Variants in ST8SIA1 observed in about 807,000 individuals in gnomAD.
The protein encoded by ST8SIA1 is ST8 alpha-N-acetyl-neuraminide alpha-2,8-sialyltransferase 1, also known as alpha-N-acetylneuraminide alpha-2,8-sialyltransferase.
In ST8SIA1, 16 loss-of-function variants were observed where a neutral mutation model predicts 35.9. The ratio of observed to expected loss-of-function variants is 0.45; its 90% CI spans 0.30 to 0.68. ST8SIA1 has a LOEUF of 0.68. ST8SIA1 is among the 30% of genes least tolerant of loss of function. The probability of loss-of-function intolerance (pLI) is 0.09; values close to 1 mark genes in which losing one functional copy is unlikely to be tolerated. For synonymous variants in ST8SIA1, 170 were observed against 169.6 expected (o/e 1.00, Z -0.02); for missense variants, 383 against 453.6 (o/e 0.84, Z 1.41).
At chr12:22,325,865 C>T (rs1376305133) in intron 1 of ST8SIA1, 29 of 701,728 alleles carry the variant, frequency 4.1e-5, no homozygotes, top group Middle Eastern at 2.3e-4. Flanking sequence ...AACACAAGCA[C>T]GGTGATCCCA....
At chr12:22,293,462 A>G (rs1056884356) in intron 1 of ST8SIA1, among the ~76,000 whole-genome samples, 2 of 152,258 alleles carry the variant, frequency 1.3e-5, no homozygotes, top group Non-Finnish European at 2.9e-5. Context: ...CATTTCCTGC[A>G]GACAGCTAAA....
Position 22,201,208 on chromosome 12 carries a change from TG to T in ST8SIA1, c.*343del, listed in dbSNP as rs1865045180. The T allele has an allele frequency of 5.5e-6, 1 of 181,468 alleles. No homozygotes were observed. Among genetic ancestry groups the T allele is most frequent in the Non-Finnish European group, 1.1e-5 (1 of 88,220 alleles). The allele number at this position is 181,468 out of a possible 1,614,324, so 11.2% of individuals were successfully genotyped here. A position where few individuals can be genotyped will look rare whatever the true frequency, so the allele number is the denominator to read the frequency against. Reference sequence around the variant, plus strand: ...AACACTTTTACCCCAACATTTTCTTTGTTCTACCTTGATTGGTTCCTCAGCC... The same window carrying T: ...AACACTTTTACCCCAACATTTTCTTTTTCTACCTTGATTGGTTCCTCAGCC... On this transcript the variant is annotated 3_prime_UTR_variant, in exon 5 of 5. Coordinates refer to ENST00000396037, the MANE Select transcript of ST8SIA1 (RefSeq NM_003034.4).
chr12:22,326,874 C>T (rs982039316), intron 1 of ST8SIA1, among the ~76,000 whole-genome samples: 2 of 152,132 alleles, frequency 1.3e-5, no homozygotes, highest in Non-Finnish European at 1.5e-5. Flanking sequence ...CTATCAAATC[C>T]ATCATGAAGA....
Position 22,196,709 on chromosome 12 carries a change from G to C in ST8SIA1, c.*4843C>G, listed in dbSNP as rs368487545. 6.6e-6 allele frequency: 1 copy of C among 152,226 alleles called. No homozygotes were observed. Among genetic ancestry groups the C allele is most frequent in the East Asian group, 1.9e-4 (1 of 5,196 alleles). The allele number at this position is 152,226 out of a possible 1,614,324, so 9.4% of individuals were successfully genotyped here. A position where few individuals can be genotyped will look rare whatever the true frequency, so the allele number is the denominator to read the frequency against. ...CTATCCATATGAATGAGGGGGAAAAGTTCCACTTTAGAATCACTGGCAGGG... is the reference window on the plus strand; with the variant it reads ...CTATCCATATGAATGAGGGGGAAAACTTCCACTTTAGAATCACTGGCAGGG... On this transcript the variant is annotated 3_prime_UTR_variant, in exon 5 of 5. Transcript: ENST00000396037.
chr12:22,273,455 G>T (rs1865935082), intron 2 of ST8SIA1, among the ~76,000 whole-genome samples: 1 of 152,080 alleles, frequency 6.6e-6, no homozygotes, highest in Non-Finnish European at 1.5e-5. Flanking sequence ...TGGGTAGGGG[G>T]ACCACCCCTG....
intron 1 of ST8SIA1, among the ~76,000 whole-genome samples, chr12:22,328,789 A>T (rs1401039366): frequency 6.6e-6 from 1 of 152,210 alleles, no homozygotes; most frequent in Non-Finnish European, 1.5e-5. Flanking sequence ...AATAGTTCTA[A>T]ACATTTTAAA....
chr12:22,290,162 A>G (rs531032237), intron 1 of ST8SIA1, among the ~76,000 whole-genome samples: 1 of 152,326 alleles, frequency 6.6e-6, no homozygotes, highest in Admixed American at 6.5e-5. Context: ...TATTTGCAAT[A>G]TGAGTGGTTT....
intron 1 of ST8SIA1, among the ~76,000 whole-genome samples, chr12:22,315,321 G>A (rs1034335263): frequency 6.6e-6 from 1 of 152,062 alleles, no homozygotes; most frequent in East Asian, 1.9e-4. Context: ...ACCCATCACA[G>A]ACCTGTGCTT....
intron 1 of ST8SIA1, among the ~76,000 whole-genome samples, chr12:22,321,003 G>GAAAGAAAGAAGAAAGAAAGA (rs377218947): frequency 4.6e-4 from 35 of 76,602 alleles, no homozygotes; most frequent in Non-Finnish European, 7.5e-4. Context: ...AAGAAAGAAA[G>GAAAGAAAGAAGAAAGAAAGA]AAGAAAGAAA....
chr12:22,320,604 T>A lies in ST8SIA1; in HGVS notation c.236+13393A>T, dbSNP rs112645206. Among the ~76,000 whole-genome samples the A allele has an allele frequency of 9.7e-3, 1,477 of 152,112 alleles. 23 individuals carry two copies. The highest frequency in any genetic ancestry group is 0.034 in the African/African-American group (1,414 of 41,480). On this transcript the variant is annotated intron_variant, in intron 1 of 4. Coordinates refer to ENST00000396037, the MANE Select transcript of ST8SIA1 (RefSeq NM_003034.4). ...TTACACCTGTAATCCCAGCACTTTGTGAGGCCGAGGCGGGAGGATCGCTTC... is the reference window on the plus strand; with the variant it reads ...TTACACCTGTAATCCCAGCACTTTGAGAGGCCGAGGCGGGAGGATCGCTTC...
intron 4 of ST8SIA1, among the ~76,000 whole-genome samples, chr12:22,211,490 CT>C (rs1454837316): frequency 6.6e-6 from 1 of 152,150 alleles, no homozygotes; most frequent in East Asian, 1.9e-4. Context: ...AATACATCAC[CT>C]TGTGGACATT....
intron 4 of ST8SIA1, among the ~76,000 whole-genome samples, chr12:22,224,902 A>C (rs866011787): frequency 5.9e-5 from 9 of 152,198 alleles, no homozygotes; most frequent in South Asian, 2.1e-4. Context: ...ATAATAGTTA[A>C]GTTAAAATGA....
At chr12:22,230,449 G>T (rs1205671024) in intron 4 of ST8SIA1, among the ~76,000 whole-genome samples, 2 of 152,044 alleles carry the variant, frequency 1.3e-5, no homozygotes, top group East Asian at 3.9e-4. Flanking sequence ...TCAGCCCTAG[G>T]AATAACTAGC....
intron 2 of ST8SIA1, among the ~76,000 whole-genome samples, chr12:22,280,023 G>A (rs55928619): frequency 0.036 from 5,476 of 152,270 alleles, 355 homozygotes; most frequent in African/African-American, 0.12. Context: ...CTCTGAAAAC[G>A]TTCTCTGTGC....
intron 1 of ST8SIA1, among the ~76,000 whole-genome samples, chr12:22,300,388 A>G (rs894645970): frequency 2.0e-5 from 3 of 152,152 alleles, no homozygotes; most frequent in African/African-American, 4.8e-5. Context: ...AATAAGTTCA[A>G]TTCCTCAGTA....
intron 4 of ST8SIA1, among the ~76,000 whole-genome samples, chr12:22,224,169 AAT>A (rs773396594): frequency 2.2e-4 from 34 of 152,248 alleles, no homozygotes; most frequent in Admixed American, 1.8e-3. Flanking sequence ...TATATTTATT[AAT>A]ATGACTGAAT....
At chr12:22,211,303 G>C (rs774406334) in intron 4 of ST8SIA1, among the ~76,000 whole-genome samples, 2 of 152,134 alleles carry the variant, frequency 1.3e-5, no homozygotes, top group Non-Finnish European at 2.9e-5. Flanking sequence ...GCTGGCCACT[G>C]GTGATCACCT....
chr12:22,237,310 T>C (rs1865486133), intron 4 of ST8SIA1, among the ~76,000 whole-genome samples: 1 of 152,070 alleles, frequency 6.6e-6, no homozygotes, highest in South Asian at 2.1e-4. Context: ...TGGCCCAGGC[T>C]GGTCTCAAAC....
intron 1 of ST8SIA1, among the ~76,000 whole-genome samples, chr12:22,308,070 C>T (rs934909975): frequency 1.2e-4 from 18 of 152,180 alleles, no homozygotes; most frequent in Non-Finnish European, 2.4e-4. Context: ...GGACTACAGG[C>T]ATGTGCCACC....
Sources: gnomAD v4.1 joint callset for allele counts (sites outside exome capture counted in the v4.1 genomes callset) on GRCh38, gnomAD v4.1.1 for gene constraint, MANE v1.5 for transcripts, NCBI Gene and HGNC (gene_info 2026-07-23, HGNC 2026-07-21) for gene names.